ERBB4: variants seen among roughly 807,000 people sequenced by gnomAD.
ERBB4 encodes the protein erb-b2 receptor tyrosine kinase 4, also known as receptor tyrosine-protein kinase erbB-4.
Under a neutral mutation model 158.0 loss-of-function variants are expected in ERBB4, and 42 were observed. The ratio of observed to expected loss-of-function variants is 0.27; its 90% CI spans 0.21 to 0.34. The LOEUF is 0.34. ERBB4 is among the 10% of genes least tolerant of loss of function. The pLI, the probability that ERBB4 is intolerant of heterozygous loss-of-function variation, is 1.00. For missense variants in ERBB4, 1,333 were observed against 1,624.1 expected (o/e 0.82, Z 3.08); for synonymous variants, 583 against 558.7 (o/e 1.04, Z -0.61).
intron 22 of ERBB4, among the ~76,000 whole-genome samples, chr2:211,426,359 A>G (rs2125416637): frequency 6.6e-6 from 1 of 152,284 alleles, no homozygotes; most frequent in South Asian, 2.1e-4. Context: ...GCACCTAGTG[A>G]GAATTTTCCA....
At chr2:212,519,137 G>C (rs946733201) in intron 1 of ERBB4, among the ~76,000 whole-genome samples, 1 of 151,918 alleles carries the variant, frequency 6.6e-6, no homozygotes, top group Non-Finnish European at 1.5e-5. Context: ...TTTTCTCAAA[G>C]CACAAATAAA....
intron 1 of ERBB4, among the ~76,000 whole-genome samples, chr2:212,537,153 C>T (rs547725807): frequency 7.2e-6 from 1 of 139,492 alleles, no homozygotes; most frequent in East Asian, 1.9e-4. Context: ...GCGGCGGCGG[C>T]GGAGCGGGAA....
intron 1 of ERBB4, among the ~76,000 whole-genome samples, chr2:212,394,346 G>C (rs1439691706): frequency 6.6e-6 from 1 of 151,940 alleles, no homozygotes; most frequent in Non-Finnish European, 1.5e-5. Flanking sequence ...AAATTATTTT[G>C]AGTTAATATT....
chr2:211,712,542 A>C (rs1202210892), intron 8 of ERBB4, among the ~76,000 whole-genome samples: 2 of 152,134 alleles, frequency 1.3e-5, no homozygotes, highest in African/African-American at 4.8e-5. Context: ...TATCATTTTT[A>C]ATGATTTTGA....
At chr2:211,656,059 G>A (rs2071204622) in intron 16 of ERBB4, among the ~76,000 whole-genome samples, 1 of 152,138 alleles carries the variant, frequency 6.6e-6, no homozygotes, top group Non-Finnish European at 1.5e-5. Flanking sequence ...TTTCACAAAA[G>A]AAGCCAGATG....
chr2:211,913,144 T>G lies in ERBB4; in HGVS notation c.421+34286A>C, dbSNP rs1459112076. Among the ~76,000 whole-genome samples, 4 of 152,292 alleles carry G rather than the reference T, an allele frequency of 2.6e-5. No individual in the cohort carries two copies. In the East Asian group the frequency reaches 7.7e-4, roughly 29 times the overall value. On this transcript the variant is annotated intron_variant, in intron 3 of 27. Transcript: ENST00000342788. ...CCTTTCTCCTGTTAATCAATCTGCC[T>G]CTTGTCAGTGATTTTTCAGAGAACC...
At position 211,725,152 on chromosome 2, in the gene ERBB4, T is replaced by C. The variant is rs2074225317; in HGVS notation, c.665A>G (p.Tyr222Cys). ...GCAGCAGTCACTGACGTAAGGTCCG[T>C]AGCATCTGCCGTCACATTGTTCTGC... Reference protein sequence around the residue: ...VCAEQCDGRCYGPYVSDCCHR... With the variant: ...VCAEQCDGRCCGPYVSDCCHR... The change falls in exon 6 of 28, where the codon TAC becomes TGC. Residue 222 changes from tyrosine (Y) to cysteine (C), a missense_variant. By Grantham distance (194) the Tyr-to-Cys change is radical (BLOSUM62 -2). Coordinates refer to ENST00000342788, the MANE Select transcript of ERBB4 (RefSeq NM_005235.3). 5.0e-6 allele frequency: 8 copies of C among 1,614,112 alleles called. No homozygotes were observed. The highest frequency in any genetic ancestry group is 6.8e-6 in the Non-Finnish European group (8 of 1,179,994).
At chr2:211,506,310 TG>T (rs2065748672) in intron 20 of ERBB4, among the ~76,000 whole-genome samples, 1 of 152,034 alleles carries the variant, frequency 6.6e-6, no homozygotes, top group South Asian at 2.1e-4. Context: ...CCAATAATAA[TG>T]GGGGACTTCA....
intron 25 of ERBB4, among the ~76,000 whole-genome samples, chr2:211,397,418 AAAAAAATGAAGC>A (rs1450994959): frequency 1.3e-5 from 2 of 152,172 alleles, no homozygotes; most frequent in African/African-American, 2.4e-5. Context: ...ACACTTTACT[AAAAAAATGAAGC>A]AAAAAATGAA....
chr2:212,019,125 G>T (rs1042942622), intron 2 of ERBB4, among the ~76,000 whole-genome samples: 1 of 152,120 alleles, frequency 6.6e-6, no homozygotes, highest in Non-Finnish European at 1.5e-5. Context: ...GAAGGGTAGA[G>T]GAAGTACCTA....
At chr2:211,711,974 A>G in intron 9 of ERBB4, 76 bp downstream of exon 9, 1 of 1,309,680 alleles carries the variant, frequency 7.6e-7, no homozygotes, top group East Asian at 2.3e-5. Flanking sequence ...AGAGGAATCA[A>G]ATAAACAAAA....
intron 1 of ERBB4, among the ~76,000 whole-genome samples, chr2:212,335,973 A>G (rs968795666): frequency 2.0e-5 from 3 of 152,036 alleles, no homozygotes; most frequent in African/African-American, 7.2e-5. Context: ...TGCCTAATAT[A>G]CAATTAGTTC....
In ERBB4 at chr2:211,484,719, G is replaced by A. The variant is rs1440323841; in HGVS notation, c.2488-53619C>T. On this transcript the variant is annotated intron_variant, in intron 20 of 27. Transcript: ENST00000342788. ...CCTTCAAAATATTTAAACCAAGAGT[G>A]AAAAGAACTACAACGATTCTTTTAA... is the stretch of plus-strand genomic sequence containing the variant. Among the ~76,000 whole-genome samples the A allele has an allele frequency of 3.9e-5, 6 of 152,080 alleles. No individual in the cohort carries two copies. In the East Asian group the frequency reaches 9.6e-4, roughly 24 times the overall value.
chr2:211,395,480 A>AT (rs1229166683), intron 25 of ERBB4, among the ~76,000 whole-genome samples: 2 of 152,056 alleles, frequency 1.3e-5, no homozygotes. Context: ...TAGAGGTTGC[A>AT]TTTTTTATGT....
intron 1 of ERBB4, among the ~76,000 whole-genome samples, chr2:212,429,451 G>A (rs2091980282): frequency 1.3e-5 from 2 of 152,174 alleles, no homozygotes; most frequent in African/African-American, 4.8e-5. Context: ...TTATACAAGT[G>A]TGGATAGCTG....
At chr2:212,455,322 A>C (rs1478047133) in intron 1 of ERBB4, among the ~76,000 whole-genome samples, 1 of 152,140 alleles carries the variant, frequency 6.6e-6, no homozygotes, top group Non-Finnish European at 1.5e-5. Flanking sequence ...TTCTCTCATT[A>C]GGTGATCTCA....
intron 19 of ERBB4, among the ~76,000 whole-genome samples, chr2:211,609,519 T>TTAAA (rs2069113134): frequency 6.6e-6 from 1 of 152,210 alleles, no homozygotes; most frequent in Non-Finnish European, 1.5e-5. Context: ...TGGGTCTTCA[T>TTAAA]TAAATACATT....
At chr2:212,096,339 GA>G (rs1398233810) in intron 2 of ERBB4, among the ~76,000 whole-genome samples, 9 of 151,776 alleles carry the variant, frequency 5.9e-5, no homozygotes, top group East Asian at 3.9e-4. Flanking sequence ...AAGTTAATTA[GA>G]AAAAAAATAG....
At chr2:211,708,173 T>G (rs2073523748) in intron 9 of ERBB4, among the ~76,000 whole-genome samples, 1 of 152,082 alleles carries the variant, frequency 6.6e-6, no homozygotes, top group Non-Finnish European at 1.5e-5. Context: ...CATGTCTAAT[T>G]CTACTGAATT....
Sources: allele counts gnomAD v4.1 joint callset (sites outside exome capture counted in the v4.1 genomes callset), GRCh38; gene constraint gnomAD v4.1.1; transcripts MANE v1.5; gene names NCBI Gene and HGNC (gene_info 2026-07-23, HGNC 2026-07-21).